The following SCAPER variants were observed in gnomAD, a reference collection of about 807,000 sequenced individuals.
SCAPER encodes S phase cyclin A-associated protein in the endoplasmic reticulum.
A neutral mutation model predicts 182.2 loss-of-function variants in SCAPER; 98 were observed. The observed-to-expected ratio is 0.54, with a 90% CI of 0.46 to 0.64. The LOEUF (loss-of-function observed/expected upper bound fraction) is 0.64. Ranked by LOEUF, SCAPER falls within the 30% of genes least tolerant of loss-of-function variation. SCAPER has a pLI of 0.00. For synonymous variants in SCAPER, 605 were observed against 564.6 expected (o/e 1.07, Z -1.01); for missense variants, 1,432 against 1,690.0 (o/e 0.85, Z 2.68).
chr15:76,544,286 C>T (rs530168616), intron 23 of SCAPER, among the ~76,000 whole-genome samples: 1 of 152,196 alleles, frequency 6.6e-6, no homozygotes, highest in Admixed American at 6.5e-5. Flanking sequence ...TACAGAATTA[C>T]CATACAACTT....
intron 21 of SCAPER, among the ~76,000 whole-genome samples, chr15:76,645,936 C>G (rs1490389569): frequency 6.6e-6 from 1 of 152,108 alleles, no homozygotes; most frequent in Non-Finnish European, 1.5e-5. Flanking sequence ...TTTGTTAAAA[C>G]TTATGTCTTT....
chr15:76,434,424 A>G lies in SCAPER; in HGVS notation c.3079-114T>C, dbSNP rs184342975. On this transcript the variant is annotated intron_variant, in intron 25 of 31. Coordinates refer to ENST00000563290, the MANE Select transcript of SCAPER (RefSeq NM_020843.4). ...TAATTTTGACAATCTAAAATGTTCAAGAGTGTTGGCTCTGAAATCAGACTG... is the reference window on the plus strand; with the variant it reads ...TAATTTTGACAATCTAAAATGTTCAGGAGTGTTGGCTCTGAAATCAGACTG... The G allele has an allele frequency of 1.0e-3, 771 of 765,752 alleles. 5 individuals are homozygous for G. Among genetic ancestry groups the G allele is most frequent in the East Asian group, 8.4e-3 (315 of 37,484 alleles). 47.4% of individuals were successfully genotyped at this position (765,752 alleles called of 1,614,324 possible).
chr15:76,644,222 C>G (rs992592374), intron 21 of SCAPER, among the ~76,000 whole-genome samples: 7 of 152,040 alleles, frequency 4.6e-5, no homozygotes, highest in Non-Finnish European at 8.8e-5. Context: ...AATATTAAAA[C>G]AGATTGAATA....
chr15:76,710,204 A>G (rs2150863291), intron 17 of SCAPER, among the ~76,000 whole-genome samples: 1 of 152,318 alleles, frequency 6.6e-6, no homozygotes, highest in South Asian at 2.1e-4. Context: ...AGGCATCCAC[A>G]TTAGAAATAA....
intron 5 of SCAPER, among the ~76,000 whole-genome samples, chr15:76,818,703 C>G (rs374549935): frequency 1.2e-4 from 19 of 152,212 alleles, no homozygotes; most frequent in Non-Finnish European, 2.5e-4. Flanking sequence ...AACTGAGGTA[C>G]CAGGTTCATC....
At chr15:76,518,016 C>G (rs1056960360) in intron 23 of SCAPER, among the ~76,000 whole-genome samples, 2 of 152,102 alleles carry the variant, frequency 1.3e-5, no homozygotes, top group Non-Finnish European at 2.9e-5. Context: ...TTCTAAGGGA[C>G]TGAAATATGA....
At chr15:76,870,156 T>C (rs1214729631) in intron 2 of SCAPER, among the ~76,000 whole-genome samples, 2 of 152,042 alleles carry the variant, frequency 1.3e-5, no homozygotes, top group Non-Finnish European at 2.9e-5. Flanking sequence ...TATGGTTGGA[T>C]AGAAAAAATA....
In SCAPER at chr15:76,381,568, G is replaced by A; in HGVS notation, c.3515C>T (p.Thr1172Ile). ...CAGGTCGGTTGCCTGAAGAGCAGCT[G>A]TCAGCCCTGTGGGATCCTGGCGATT... The part of the protein sequence containing the change: ...DNNRQDPTGL[T>I]AALQATDLAG... The change falls in exon 28 of 32, where the codon ACA becomes ATA. Residue 1172 changes from threonine to isoleucine, a missense_variant. Around this residue, in one of 5 missense-constraint regions of SCAPER, gnomAD observed 718 missense variants for 799.7 expected, o/e 0.90. Transcript: ENST00000563290. 1 of 1,609,738 alleles carries A rather than the reference G, an allele frequency of 6.2e-7. No homozygotes were observed. Among genetic ancestry groups the A allele is most frequent in the South Asian group, 1.1e-5 (1 of 90,160 alleles).
At chr15:76,758,981 T>G (rs577100241) in intron 14 of SCAPER, among the ~76,000 whole-genome samples, 6 of 152,210 alleles carry the variant, frequency 3.9e-5, no homozygotes, top group Non-Finnish European at 7.4e-5. Flanking sequence ...CAAAGTTTTT[T>G]GTGGAATCTT....
intron 24 of SCAPER, among the ~76,000 whole-genome samples, chr15:76,485,532 A>T (rs895092027): frequency 1.3e-5 from 2 of 152,184 alleles, no homozygotes; most frequent in Non-Finnish European, 2.9e-5. Flanking sequence ...TACAAAAAAC[A>T]ATTTTAAAAT....
intron 23 of SCAPER, among the ~76,000 whole-genome samples, chr15:76,505,570 T>G (rs1029889602): frequency 1.3e-5 from 2 of 152,162 alleles, no homozygotes; most frequent in Non-Finnish European, 2.9e-5. Flanking sequence ...AGTTAAAATG[T>G]CTTTTATCCA....
chr15:76,412,470 T>C (rs2045360562), intron 26 of SCAPER, among the ~76,000 whole-genome samples: 1 of 152,182 alleles, frequency 6.6e-6, no homozygotes, highest in South Asian at 2.1e-4. Context: ...CCACTCAATA[T>C]TGCTGTTAAC....
rs1811605532 is a variant in SCAPER at position 76,791,432 on chromosome 15, T to C, written c.772+3848A>G. Among the ~76,000 whole-genome samples, 4 of 152,156 alleles carry C rather than the reference T, an allele frequency of 2.6e-5. No individual in the cohort carries two copies. In the South Asian group the frequency reaches 6.2e-4, roughly 24 times the overall value. On this transcript the variant is annotated intron_variant, in intron 8 of 31. Transcript: ENST00000563290. Reference sequence around the variant, plus strand: ...ATCAGATGAGTGAATGTGGATTCACTACAGCATTTTCTCCTAAAACACCTG... The same window carrying C: ...ATCAGATGAGTGAATGTGGATTCACCACAGCATTTTCTCCTAAAACACCTG...
chr15:76,699,876 G>T (rs973849771), intron 20 of SCAPER, among the ~76,000 whole-genome samples: 6 of 152,214 alleles, frequency 3.9e-5, no homozygotes, highest in Admixed American at 3.9e-4. Flanking sequence ...GGTGATGGCA[G>T]GGCAATGGCA....
At chr15:76,385,240 T>C (rs910066231) in intron 27 of SCAPER, 41 of 152,338 alleles carry the variant, frequency 2.7e-4, no homozygotes, top group African/African-American at 7.9e-4. Context: ...ATCCATTCCA[T>C]CTTCATAAAC....
At chr15:76,455,010 T>C (rs558160616) in intron 25 of SCAPER, among the ~76,000 whole-genome samples, 2 of 152,310 alleles carry the variant, frequency 1.3e-5, no homozygotes, top group South Asian at 4.1e-4. Context: ...TTCAAAGTAT[T>C]TTCTTAACTT....
At chr15:76,539,019 C>T (rs995869453) in intron 23 of SCAPER, among the ~76,000 whole-genome samples, 3 of 150,498 alleles carry the variant, frequency 2.0e-5, no homozygotes, top group African/African-American at 7.4e-5. Context: ...ATCAACTCTA[C>T]AATAATTATG....
Position 76,765,317 on chromosome 15 carries a change from T to C in SCAPER, c.1613+20A>G. 6.3e-7 allele frequency: 1 copy of C among 1,581,460 alleles called. No individual in the cohort carries two copies. The highest frequency in any genetic ancestry group is 1.1e-5 in the South Asian group (1 of 89,026). ...TTTCCTTGCTGTGAACCATTTCAAATTAATTTTCAAATGCCAGACCTTTTA... is the reference window on the plus strand; with the variant it reads ...TTTCCTTGCTGTGAACCATTTCAAACTAATTTTCAAATGCCAGACCTTTTA... On this transcript the variant is annotated intron_variant, in intron 13 of 31. Transcript: ENST00000563290.
At chr15:76,485,608 G>A (rs1209483866) in intron 24 of SCAPER, among the ~76,000 whole-genome samples, 1 of 152,140 alleles carries the variant, frequency 6.6e-6, no homozygotes, top group Non-Finnish European at 1.5e-5. Context: ...AAAAGCTGGA[G>A]GCATCACTCT....
Sources: gnomAD v4.1 joint callset for allele counts (sites outside exome capture counted in the v4.1 genomes callset) on GRCh38, gnomAD v4.1.1 for gene constraint, gnomAD v4.1.1 regional missense constraint, MANE v1.5 for transcripts, NCBI Gene and HGNC (gene_info 2026-07-23, HGNC 2026-07-21) for gene names.